The following MSRB3 variants were observed in gnomAD, a reference collection of about 807,000 sequenced individuals.
MSRB3 encodes the protein methionine sulfoxide reductase B3, also known as methionine-R-sulfoxide reductase B3.
A neutral mutation model predicts 21.0 loss-of-function variants in MSRB3; 13 were observed. The ratio of observed to expected loss-of-function variants is 0.62; its 90% CI spans 0.40 to 0.98. MSRB3 has a LOEUF of 0.98. MSRB3 is among the 50% of genes least tolerant of loss of function. The probability of loss-of-function intolerance (pLI) is 0.00; values close to 1 mark genes in which losing one functional copy is unlikely to be tolerated. For missense variants in MSRB3, 199 were observed against 230.3 expected (o/e 0.86, Z 0.88); for synonymous variants, 87 against 88.6 (o/e 0.98, Z 0.10).
chr12:65,338,770 T>C (rs2136469258), intron 4 of MSRB3, among the ~76,000 whole-genome samples: 1 of 152,250 alleles, frequency 6.6e-6, no homozygotes, highest in South Asian at 2.1e-4. Context: ...ATTCTAGGCA[T>C]GAGAAGAGAG....
chr12:65,370,535 A>G (rs1312838665), intron 5 of MSRB3, among the ~76,000 whole-genome samples: 1 of 152,210 alleles, frequency 6.6e-6, no homozygotes, highest in Non-Finnish European at 1.5e-5. Context: ...TTGAAGGTAG[A>G]ACCTGGAAGT....
At chr12:65,378,224 A>G (rs975284647) in intron 5 of MSRB3, among the ~76,000 whole-genome samples, 11 of 152,192 alleles carry the variant, frequency 7.2e-5, no homozygotes, top group Non-Finnish European at 1.6e-4. Flanking sequence ...GTGGCCAGGA[A>G]TTACATTATC....
chr12:65,420,499 G>A (rs1881234562), intron 5 of MSRB3, among the ~76,000 whole-genome samples: 1 of 151,504 alleles, frequency 6.6e-6, no homozygotes, highest in African/African-American at 2.4e-5. Flanking sequence ...ATTTAAGTTT[G>A]GGGGTACACT....
chr12:65,316,853 G>A (rs545785610), intron 2 of MSRB3, among the ~76,000 whole-genome samples: 2 of 152,178 alleles, frequency 1.3e-5, no homozygotes, highest in East Asian at 1.9e-4. Context: ...CTGGATTCTC[G>A]GAATAGGATT....
chr12:65,302,810 T>G (rs1873415551), intron 1 of MSRB3, among the ~76,000 whole-genome samples: 1 of 152,164 alleles, frequency 6.6e-6, no homozygotes, highest in Non-Finnish European at 1.5e-5. Context: ...TTTATAGAAC[T>G]TTATAGTAGA....
At chr12:65,446,691 G>A (rs1882633752) in intron 5 of MSRB3, among the ~76,000 whole-genome samples, 1 of 151,712 alleles carries the variant, frequency 6.6e-6, no homozygotes, top group African/African-American at 2.4e-5. Context: ...TTGGAGTGGG[G>A]TAGGGAGCCT....
chr12:65,452,769 AG>A (rs1882912622), intron 5 of MSRB3, among the ~76,000 whole-genome samples: 1 of 152,222 alleles, frequency 6.6e-6, no homozygotes, highest in East Asian at 1.9e-4. Flanking sequence ...ATTAACACAA[AG>A]CACCAGGTTC....
chr12:65,333,014 CAG>C (rs1406782249), intron 4 of MSRB3, among the ~76,000 whole-genome samples: 1 of 152,146 alleles, frequency 6.6e-6, no homozygotes, highest in African/African-American at 2.4e-5. Flanking sequence ...AATTAACTGA[CAG>C]AAGTAAGAAT....
chr12:65,315,331 G>A (rs987886257), intron 2 of MSRB3, among the ~76,000 whole-genome samples: 18 of 151,696 alleles, frequency 1.2e-4, no homozygotes, highest in African/African-American at 4.4e-4. Context: ...AAAACATTTA[G>A]TATATTTACG....
intron 2 of MSRB3, among the ~76,000 whole-genome samples, chr12:65,325,840 C>T (rs1406870337): frequency 2.0e-5 from 3 of 152,108 alleles, no homozygotes; most frequent in African/African-American, 7.2e-5. Flanking sequence ...GTAATGGCTA[C>T]CCTGTCCTGG....
At chr12:65,456,179 GTTTCT>G (rs1883083503) in intron 6 of MSRB3, among the ~76,000 whole-genome samples, 1 of 152,186 alleles carries the variant, frequency 6.6e-6, no homozygotes, top group Admixed American at 6.5e-5. Flanking sequence ...ACTAATCGTT[GTTTCT>G]TTTATTTTCT....
At chr12:65,343,241 A>G (rs1222035922) in intron 4 of MSRB3, among the ~76,000 whole-genome samples, 1 of 152,128 alleles carries the variant, frequency 6.6e-6, no homozygotes, top group Non-Finnish European at 1.5e-5. Context: ...CGTGGTAGAT[A>G]CTTTGCCCAC....
At chr12:65,393,586 ACG>A (rs1879603221) in intron 5 of MSRB3, among the ~76,000 whole-genome samples, 1 of 146,438 alleles carries the variant, frequency 6.8e-6, no homozygotes. Flanking sequence ...AGCCGAGATC[ACG>A]CCACTGCACT....
At chr12:65,428,353 G>A (rs1408927840) in intron 5 of MSRB3, among the ~76,000 whole-genome samples, 1 of 151,880 alleles carries the variant, frequency 6.6e-6, no homozygotes. Flanking sequence ...ATCTTAAATA[G>A]GATCTTGGGG....
intron 5 of MSRB3, among the ~76,000 whole-genome samples, chr12:65,440,205 A>G (rs1209074446): frequency 6.6e-6 from 1 of 151,778 alleles, no homozygotes; most frequent in East Asian, 1.9e-4. Context: ...CAAAACAAAC[A>G]TCCTATATGA....
intron 5 of MSRB3, among the ~76,000 whole-genome samples, chr12:65,396,172 A>C (rs1879768610): frequency 6.6e-6 from 1 of 152,218 alleles, no homozygotes; most frequent in South Asian, 2.1e-4. Flanking sequence ...CTTACACTGC[A>C]TCCCACATAT....
At chr12:65,317,178 A>G (rs983450444) in intron 2 of MSRB3, among the ~76,000 whole-genome samples, 1 of 152,270 alleles carries the variant, frequency 6.6e-6, no homozygotes, top group East Asian at 1.9e-4. Context: ...ATCATTTCCC[A>G]AATTATAATC....
chr12:65,296,421 A>C (rs958244921), intron 1 of MSRB3, among the ~76,000 whole-genome samples: 5 of 152,236 alleles, frequency 3.3e-5, no homozygotes, highest in Non-Finnish European at 5.9e-5. Flanking sequence ...ATGCTTTCAA[A>C]AACGTTCTCT....
At chr12:65,332,831 C>T (rs1875519368) in intron 4 of MSRB3, among the ~76,000 whole-genome samples, 1 of 152,152 alleles carries the variant, frequency 6.6e-6, no homozygotes, top group Non-Finnish European at 1.5e-5. Context: ...AAATACATTT[C>T]CTCTCTGAAC....
Sources: allele counts gnomAD v4.1 joint callset (sites outside exome capture counted in the v4.1 genomes callset), GRCh38; gene constraint gnomAD v4.1.1; transcripts MANE v1.5; gene names NCBI Gene and HGNC (gene_info 2026-07-23, HGNC 2026-07-21).